FANK1: variants seen among roughly 807,000 people sequenced by gnomAD.
FANK1 encodes fibronectin type III and ankyrin repeat domains 1, also known as fibronectin type 3 and ankyrin repeat domains protein 1.
FANK1 carries 44 observed loss-of-function variants against 45.3 expected under a neutral mutation model. The observed-to-expected ratio is 0.97, with a 90% CI of 0.76 to 1.25. FANK1 has a LOEUF of 1.25. Ranked by LOEUF, FANK1 falls within the 50% of genes most tolerant of loss-of-function variation. The pLI, the probability that FANK1 is intolerant of heterozygous loss-of-function variation, is 0.00. For synonymous variants in FANK1, 149 were observed against 152.5 expected, an observed-to-expected ratio of 0.98 and a Z score of 0.17; for missense variants, 391 against 424.4, an observed-to-expected ratio of 0.92 and a Z score of 0.69.
intron 3 of FANK1, chr10:125,989,204 C>G: frequency 2.2e-6 from 3 of 1,381,718 alleles, no homozygotes; most frequent in Non-Finnish European, 2.0e-6. Flanking sequence ...CCTCTGAGCC[C>G]TTCAGCCGGC....
At chr10:125,976,713 C>T (rs1010250765) in intron 1 of FANK1, among the ~76,000 whole-genome samples, 3 of 152,056 alleles carry the variant, frequency 2.0e-5, no homozygotes, top group Non-Finnish European at 2.9e-5. Flanking sequence ...GTCTCTGCCT[C>T]CCAGGTTCAA....
At chr10:125,969,948 G>A (rs1195947226) in intron 1 of FANK1, among the ~76,000 whole-genome samples, 1 of 152,174 alleles carries the variant, frequency 6.6e-6, no homozygotes, top group Non-Finnish European at 1.5e-5. Flanking sequence ...TGGGGGTAAG[G>A]TTATATATTA....
chr10:125,898,889 G>GGTTT (rs1369132071), intron 1 of FANK1, among the ~76,000 whole-genome samples: 1 of 121,600 alleles, frequency 8.2e-6, no homozygotes, highest in Non-Finnish European at 1.7e-5. Context: ...TTTAGCTCAA[G>GGTTT]TTTTGTTGTT....
rs558999952 is a variant in FANK1, at chr10:125,953,265, T to C, written c.14-26896T>C. Among the ~76,000 whole-genome samples the C allele has an allele frequency of 3.3e-5, 5 of 152,262 alleles. No homozygotes were observed. The South Asian group carries it at 6.2e-4, about 19-fold the overall frequency. ...TGAAGGCCCCTCTGTTTGTGCAGTTTGGTGGTTTGCATCAGGCTCTATGGC... is the reference window on the plus strand; with the variant it reads ...TGAAGGCCCCTCTGTTTGTGCAGTTCGGTGGTTTGCATCAGGCTCTATGGC... On this transcript the variant is annotated intron_variant, in intron 1 of 10. Transcript: ENST00000368693.
At chr10:125,948,796 C>T (rs1271497797) in intron 1 of FANK1, among the ~76,000 whole-genome samples, 1 of 150,382 alleles carries the variant, frequency 6.6e-6, no homozygotes, top group Non-Finnish European at 1.5e-5. Flanking sequence ...GATACCAAAG[C>T]CAGGCAGAGA....
intron 6 of FANK1, among the ~76,000 whole-genome samples, chr10:126,001,637 G>A (rs903287584): frequency 6.6e-6 from 1 of 152,182 alleles, no homozygotes; most frequent in Non-Finnish European, 1.5e-5. Context: ...GCAGATAACA[G>A]ACCCCATGGG....
intron 1 of FANK1, among the ~76,000 whole-genome samples, chr10:125,952,702 C>T (rs1416175971): frequency 2.0e-5 from 3 of 151,860 alleles, no homozygotes; most frequent in Admixed American, 6.6e-5. Context: ...GCTTGCCTCT[C>T]TCCTGTGGAA....
rs527681967 is a variant in FANK1 at position 125,904,899 on chromosome 10, G to A, written c.13+8244G>A. ...CCAGCCCTTTGGGAGGCCGAGGCGG[G>A]CGGATCACGAGGTCAGGAGATCGAG... On this transcript the variant is annotated intron_variant, in intron 1 of 10. Transcript: ENST00000368693. Among the ~76,000 whole-genome samples the A allele has an allele frequency of 2.9e-4, 44 of 151,946 alleles. No homozygotes were observed. The South Asian group carries it at 8.7e-3, about 30-fold the overall frequency.
At chr10:125,928,729 T>A (rs1947551061) in intron 1 of FANK1, among the ~76,000 whole-genome samples, 1 of 152,214 alleles carries the variant, frequency 6.6e-6, no homozygotes, top group Non-Finnish European at 1.5e-5. Context: ...CATCTTCTCA[T>A]GTTTTAATAC....
intron 1 of FANK1, among the ~76,000 whole-genome samples, chr10:125,929,441 A>T (rs918519496): frequency 1.3e-5 from 2 of 152,170 alleles, no homozygotes; most frequent in African/African-American, 2.4e-5. Context: ...TCCTGGGGGA[A>T]CTTCTCTTAA....
chr10:125,912,985 T>C (rs1031961258), intron 1 of FANK1, among the ~76,000 whole-genome samples: 50 of 152,252 alleles, frequency 3.3e-4, no homozygotes, highest in Non-Finnish European at 5.9e-4. Flanking sequence ...TTCAGAATTC[T>C]TTAAACTTCA....
chr10:125,913,084 T>C lies in FANK1; in HGVS notation c.13+16429T>C, dbSNP rs770251378. Reference sequence around the variant, plus strand: ...CCCACAAAACATAATTTTTGTTTCCTGAAAACAGAAAAGTATGCAAATGAA... The same window carrying C: ...CCCACAAAACATAATTTTTGTTTCCCGAAAACAGAAAAGTATGCAAATGAA... On this transcript the variant is annotated intron_variant, in intron 1 of 10. Transcript: ENST00000368693. 6.1e-4 allele frequency among the ~76,000 whole-genome samples: 93 copies of C among 152,340 alleles called. 1 individual carries two copies. The highest frequency in any genetic ancestry group is 1.1e-3 in the Admixed American group (17 of 15,304).
chr10:125,990,368 C>T (rs1951845367), intron 3 of FANK1, among the ~76,000 whole-genome samples: 2 of 152,084 alleles, frequency 1.3e-5, no homozygotes, highest in Non-Finnish European at 2.9e-5. Context: ...CACTCTCCAG[C>T]CTGGGCAACA....
chr10:126,001,477 A>G (rs1347870291), intron 6 of FANK1, among the ~76,000 whole-genome samples: 1 of 152,222 alleles, frequency 6.6e-6, no homozygotes, highest in African/African-American at 2.4e-5. Context: ...ACTCAGCAGC[A>G]GGCAAGCGGA....
At chr10:125,948,390 A>G (rs1589990601) in intron 1 of FANK1, among the ~76,000 whole-genome samples, 1 of 152,336 alleles carries the variant, frequency 6.6e-6, no homozygotes, top group East Asian at 1.9e-4. Flanking sequence ...AAAGAAAAAG[A>G]GAAGAATCAA....
At chr10:125,909,576 G>A (rs890515203) in intron 1 of FANK1, among the ~76,000 whole-genome samples, 16 of 148,670 alleles carry the variant, frequency 1.1e-4, no homozygotes, top group African/African-American at 3.2e-4. Context: ...GTGCAGTGAT[G>A]AATCATAGCT....
Position 125,995,415 on chromosome 10 carries a change from A to G in FANK1, c.317-2A>G. 1 of 1,614,046 alleles carries G rather than the reference A, an allele frequency of 6.2e-7. No homozygotes were observed. Among genetic ancestry groups the G allele is most frequent in the Non-Finnish European group, 8.5e-7 (1 of 1,179,904 alleles). On this transcript the variant is annotated splice_acceptor_variant, in intron 3 of 10. Coordinates refer to ENST00000368693, the MANE Select transcript of FANK1 (RefSeq NM_145235.5). LOFTEE classifies it high-confidence loss of function. ...TGACTGCCTTCCATCTCATTTCTCC[A>G]GGAGAGCCCATAAGTAGTGAGCACT... is the stretch of plus-strand genomic sequence containing the variant.
At chr10:126,005,130 C>A (rs530803702) in intron 7 of FANK1, 81 bp downstream of exon 7, 5 of 1,475,934 alleles carry the variant, frequency 3.4e-6, no homozygotes, top group Non-Finnish European at 4.6e-6. Context: ...AGAAGCAGGG[C>A]CTTTGATTAG....
intron 1 of FANK1, among the ~76,000 whole-genome samples, chr10:125,978,753 G>A (rs1376833019): frequency 1.3e-5 from 2 of 152,204 alleles, no homozygotes; most frequent in Non-Finnish European, 2.9e-5. Flanking sequence ...TCTTAGGGTG[G>A]TGCAATGCCG....
Sources: allele counts gnomAD v4.1 joint callset (sites outside exome capture counted in the v4.1 genomes callset), GRCh38; gene constraint gnomAD v4.1.1; transcripts MANE v1.5; gene names NCBI Gene and HGNC (gene_info 2026-07-23, HGNC 2026-07-21).